The following IGF1R variants were observed in gnomAD, a reference collection of about 807,000 sequenced individuals.
The protein encoded by IGF1R is insulin-like growth factor 1 receptor.
IGF1R carries 44 observed loss-of-function variants against 144.6 expected under a neutral mutation model. The observed-to-expected ratio is 0.30, with a 90% CI of 0.24 to 0.39. The LOEUF (loss-of-function observed/expected upper bound fraction) is 0.39, where lower values mean the gene tolerates loss of function less well. Ranked by LOEUF, IGF1R falls within the 10% of genes least tolerant of loss-of-function variation. The pLI is 1.00. For synonymous variants in IGF1R, 795 were observed against 722.8 expected (o/e 1.10, Z -1.60); for missense variants, 1,355 against 1,833.7 (o/e 0.74, Z 4.77).
At chr15:98,681,796 A>G (rs1296766593) in intron 1 of IGF1R, among the ~76,000 whole-genome samples, 1 of 152,200 alleles carries the variant, frequency 6.6e-6, no homozygotes, top group Non-Finnish European at 1.5e-5. Context: ...GACCTGCATC[A>G]GGCTAATACT....
At chr15:98,769,218 TG>T (rs1773589421) in intron 2 of IGF1R, among the ~76,000 whole-genome samples, 1 of 152,212 alleles carries the variant, frequency 6.6e-6, no homozygotes, top group Non-Finnish European at 1.5e-5. Context: ...GTAACATTTC[TG>T]TACCTTTGTG....
At chr15:98,899,443 G>A in intron 4 of IGF1R, 34 bp from the exon 5 acceptor site, 1 of 1,611,862 alleles carries the variant, frequency 6.2e-7, no homozygotes, top group South Asian at 1.1e-5. Flanking sequence ...TACACCAAGT[G>A]AGCACACAGT....
intron 5 of IGF1R, among the ~76,000 whole-genome samples, chr15:98,900,360 A>G (rs1221208137): frequency 1.3e-5 from 2 of 152,234 alleles, no homozygotes; most frequent in Admixed American, 6.5e-5. Flanking sequence ...GAATGCTTCA[A>G]AATAAAAGGA....
At chr15:98,808,707 T>A (rs973059379) in intron 2 of IGF1R, among the ~76,000 whole-genome samples, 3 of 143,830 alleles carry the variant, frequency 2.1e-5, no homozygotes, top group Non-Finnish European at 4.5e-5. Flanking sequence ...AGAGACAGGG[T>A]CTTGCCTTAT....
intron 2 of IGF1R, among the ~76,000 whole-genome samples, chr15:98,882,644 T>C (rs919145577): frequency 1.3e-5 from 2 of 152,084 alleles, no homozygotes; most frequent in African/African-American, 2.4e-5. Flanking sequence ...CTCAGAGGGA[T>C]GGGAATGTAG....
chr15:98,658,561 A>G (rs1386117063), intron 1 of IGF1R, among the ~76,000 whole-genome samples: 1 of 152,224 alleles, frequency 6.6e-6, no homozygotes, highest in African/African-American at 2.4e-5. Flanking sequence ...GGATCTGTAA[A>G]ATAGGGACAA....
At chr15:98,907,432 C>G (rs2014786269) in intron 5 of IGF1R, among the ~76,000 whole-genome samples, 1 of 152,184 alleles carries the variant, frequency 6.6e-6, no homozygotes, top group Non-Finnish European at 1.5e-5. Flanking sequence ...GCAGGGAGGG[C>G]TGGGGTTCTT....
chr15:98,700,444 T>A (rs1418412141), intron 1 of IGF1R, among the ~76,000 whole-genome samples: 1 of 152,146 alleles, frequency 6.6e-6, no homozygotes, highest in Admixed American at 6.5e-5. Context: ...AGTTCTTTCC[T>A]AGGGCAGTGG....
rs889451678 is a variant in IGF1R, at chr15:98,959,478, G to T, written c.*2036G>T. The T allele has an allele frequency of 4.3e-6, 1 of 233,682 alleles. No individual in the cohort carries two copies. 14.5% of individuals were successfully genotyped at this position (233,682 alleles called of 1,614,324 possible). On this transcript the variant is annotated 3_prime_UTR_variant, in exon 21 of 21. Transcript: ENST00000650285. ...CCCGGGATCCAGGCTGGCCCAGGGC[G>T]GCACCCTCAGGGCTGTGCCCGCTGG...
chr15:98,927,733 C>T (rs1024422927), intron 13 of IGF1R, among the ~76,000 whole-genome samples: 11 of 152,126 alleles, frequency 7.2e-5, no homozygotes, highest in Non-Finnish European at 8.8e-5. Context: ...TTTCTTTCTT[C>T]GATTAAAATA....
chr15:98,682,392 G>A (rs1178044383), intron 1 of IGF1R, among the ~76,000 whole-genome samples: 1 of 152,144 alleles, frequency 6.6e-6, no homozygotes, highest in Non-Finnish European at 1.5e-5. Context: ...TCTGTGCTCC[G>A]AGATGTTTTC....
chr15:98,850,235 A>G (rs1187461352), intron 2 of IGF1R, among the ~76,000 whole-genome samples: 2 of 152,240 alleles, frequency 1.3e-5, no homozygotes, highest in Non-Finnish European at 2.9e-5. Context: ...AGTAGCTGGC[A>G]GGTGGGCATG....
intron 1 of IGF1R, among the ~76,000 whole-genome samples, chr15:98,654,401 G>A (rs1000845396): frequency 1.3e-5 from 2 of 152,120 alleles, no homozygotes; most frequent in South Asian, 2.1e-4. Context: ...TAAGAAAGAT[G>A]GAACTTATTT....
rs1230134813 is a variant in IGF1R, at chr15:98,937,307, C to T, written c.3297+1881C>T. On this transcript the variant is annotated intron_variant, in intron 17 of 20. Coordinates refer to ENST00000650285, the MANE Select transcript of IGF1R (RefSeq NM_000875.5). ...TGAGGCACCTCTGAAAAGTCCAAAA[C>T]TCACTCCCTTCCTCCCCAGTTTCAG... 2.6e-5 allele frequency among the ~76,000 whole-genome samples: 4 copies of T among 152,322 alleles called. No individual in the cohort carries two copies. The South Asian group carries it at 6.2e-4, about 24-fold the overall frequency.
rs367882753 is a variant in IGF1R at position 98,824,842 on chromosome 15, C to CT, written c.641-66471dup. 5.1e-3 allele frequency among the ~76,000 whole-genome samples: 742 copies of CT among 146,126 alleles called. 3 individuals are homozygous for CT. The highest frequency in any genetic ancestry group is 0.043 in the Middle Eastern group (12 of 280). The stretch of plus-strand genomic sequence containing the variant: ...TCTTTATTTTTTAACTTTTCTTCTT[C>CT]TTTTTTTTTTTTGAAACGGATTCTC... On this transcript the variant is annotated intron_variant, in intron 2 of 20. Transcript: ENST00000650285.
chr15:98,712,671 C>T (rs747461677), intron 2 of IGF1R, among the ~76,000 whole-genome samples: 28 of 151,366 alleles, frequency 1.8e-4, no homozygotes, highest in East Asian at 9.8e-4. Context: ...TGCAGTGGTG[C>T]GATCTTGGCT....
chr15:98,652,798 C>G (rs995472883), intron 1 of IGF1R, among the ~76,000 whole-genome samples: 7 of 152,024 alleles, frequency 4.6e-5, no homozygotes, highest in African/African-American at 1.4e-4. Flanking sequence ...CACAGGGTTT[C>G]TTTTTGGGGT....
rs941514736 is a variant in IGF1R, at chr15:98,960,874, C to T, written c.*3432C>T. 3.0e-5 allele frequency: 7 copies of T among 233,866 alleles called. No homozygotes were observed. Among genetic ancestry groups the T allele is most frequent in the African/African-American group, 6.6e-5 (3 of 45,330 alleles). The allele number at this position is 233,866 out of a possible 1,614,324, so 14.5% of individuals were successfully genotyped here. On this transcript the variant is annotated 3_prime_UTR_variant, in exon 21 of 21. Coordinates refer to ENST00000650285, the MANE Select transcript of IGF1R (RefSeq NM_000875.5). ...TACCAAACCTTCCGGCTGGAAAGCC[C>T]AGTGGCCGGCGCCGAGGCTCGTGGC...
At position 98,911,538 on chromosome 15, in the gene IGF1R, G is replaced by A. The variant is rs534213392; in HGVS notation, c.1589+97G>A. On this transcript the variant is annotated intron_variant, in intron 7 of 20. Transcript: ENST00000650285. ...TTGAATGGGCTGGCTGAATACAGGGGGTCAGCAGAGTCCCCAGGGAGAGCC... is the reference window on the plus strand; with the variant it reads ...TTGAATGGGCTGGCTGAATACAGGGAGTCAGCAGAGTCCCCAGGGAGAGCC... 146 of 1,510,294 alleles carry A rather than the reference G, an allele frequency of 9.7e-5. 1 individual carries two copies. In the South Asian group the frequency reaches 1.5e-3, roughly 15 times the overall value. 93.6% of individuals were successfully genotyped at this position (1,510,294 alleles called of 1,614,324 possible). A position where few individuals can be genotyped will look rare whatever the true frequency, so the allele number is the denominator to read the frequency against.
Sources: gnomAD v4.1 joint callset for allele counts (sites outside exome capture counted in the v4.1 genomes callset) on GRCh38, gnomAD v4.1.1 for gene constraint, MANE v1.5 for transcripts, NCBI Gene and HGNC (gene_info 2026-07-23, HGNC 2026-07-21) for gene names.